Variants in NUS1 observed in about 807,000 individuals in gnomAD.
NUS1 encodes NUS1 dehydrodolichyl diphosphate synthase subunit.
For synonymous variants in NUS1, 135 were observed against 155.2 expected, an observed-to-expected ratio of 0.87 and a Z score of 0.97; for missense variants, 292 against 382.9, an observed-to-expected ratio of 0.76 and a Z score of 1.98.
chr6:117,677,059 A>G (rs978916391), intron 1 of NUS1, among the ~76,000 whole-genome samples: 4 of 152,178 alleles, frequency 2.6e-5, no homozygotes, highest in Non-Finnish European at 4.4e-5. Context: ...TTGTCCTCTC[A>G]TATGTTTTGA....
chr6:117,686,740 T>C (rs1773144989), intron 1 of NUS1, among the ~76,000 whole-genome samples: 1 of 152,172 alleles, frequency 6.6e-6, no homozygotes, highest in Non-Finnish European at 1.5e-5. Flanking sequence ...GGATGAATTA[T>C]AATATGAGAA....
At chr6:117,693,516 A>C (rs1773272121) in intron 2 of NUS1, among the ~76,000 whole-genome samples, 1 of 152,204 alleles carries the variant, frequency 6.6e-6, no homozygotes, top group Admixed American at 6.5e-5. Context: ...AAGAATTTGC[A>C]TGTCTATAGA....
intron 1 of NUS1, among the ~76,000 whole-genome samples, chr6:117,689,430 C>G (rs536944163): frequency 6.6e-6 from 1 of 152,040 alleles, no homozygotes. Context: ...TAGTATTACC[C>G]GACACTATTA....
At chr6:117,684,110 T>C (rs1773102294) in intron 1 of NUS1, among the ~76,000 whole-genome samples, 1 of 152,188 alleles carries the variant, frequency 6.6e-6, no homozygotes, top group Non-Finnish European at 1.5e-5. Context: ...CCTTTGTCTT[T>C]CTGTTACTCA....
At chr6:117,688,011 G>GT (rs1194234579) in intron 1 of NUS1, among the ~76,000 whole-genome samples, 8 of 152,110 alleles carry the variant, frequency 5.3e-5, no homozygotes, top group African/African-American at 1.9e-4. Context: ...AGGGCCAGGA[G>GT]TTAGAGACCA....
intron 3 of NUS1, among the ~76,000 whole-genome samples, chr6:117,697,545 C>G (rs991222953): frequency 6.6e-6 from 1 of 151,894 alleles, no homozygotes; most frequent in Non-Finnish European, 1.5e-5. Flanking sequence ...GACAAAAACT[C>G]TAAGAAGAGA....
At chr6:117,676,301 G>A (rs987666171) in intron 1 of NUS1, among the ~76,000 whole-genome samples, 1 of 152,220 alleles carries the variant, frequency 6.6e-6, no homozygotes, top group Non-Finnish European at 1.5e-5. Context: ...TCCCTTGGCC[G>A]GGCGCGGTGG....
At chr6:117,694,222 T>C (rs2114687597) in intron 3 of NUS1, 42 bp downstream of exon 3, 1 of 1,151,386 alleles carries the variant, frequency 8.7e-7, no homozygotes, top group Non-Finnish European at 1.2e-6. Flanking sequence ...TGTATATGTA[T>C]GTGTGTGTGT....
At chr6:117,695,215 A>AG (rs978111625) in intron 3 of NUS1, among the ~76,000 whole-genome samples, 1 of 151,364 alleles carries the variant, frequency 6.6e-6, no homozygotes, top group African/African-American at 2.4e-5. Context: ...AAAAAAAAAA[A>AG]AAAAAAGAAA....
At chr6:117,679,507 AAAC>A (rs570821842) in intron 1 of NUS1, among the ~76,000 whole-genome samples, 64 of 152,362 alleles carry the variant, frequency 4.2e-4, no homozygotes, top group African/African-American at 1.3e-3. Context: ...TAGTGTTTTA[AAAC>A]AACAATTTAT....
At position 117,676,117 on chromosome 6, in the gene NUS1, G is replaced by C. The variant is rs1051991512; in HGVS notation, c.415+32G>C. The C allele has an allele frequency of 1.9e-6, 3 of 1,549,754 alleles. No individual in the cohort carries two copies. The African/African-American group carries it at 4.1e-5, about 21-fold the overall frequency. ...CCCGGTGCGGTGGTGGGGGGTGGCC[G>C]AGGCGTCTTGGACCGCTAGACCGCT... On this transcript the variant is annotated intron_variant, in intron 1 of 4. Transcript: ENST00000368494.
At position 117,693,128 on chromosome 6, in the gene NUS1, T is replaced by C. The variant is rs1475841573; in HGVS notation, c.502T>C (p.Ser168Pro). The change falls in exon 2 of 5, where the codon TCA (serine) becomes CCA (proline). Residue 168 changes from serine (S) to proline (P), a missense_variant. By Grantham distance (74) the Ser-to-Pro change is moderately conservative. Coordinates refer to ENST00000368494, the MANE Select transcript of NUS1 (RefSeq NM_138459.5). ...TCTGGGCCTAGATTGTTCAAAATAC[T>C]CACCAGAATTTGCAAATAGTAATGA... ...ELLGLDCSKYSPEFANSNDKD... is the reference protein window; with the variant it reads ...ELLGLDCSKYPPEFANSNDKD... 1.3e-5 allele frequency: 21 copies of C among 1,612,644 alleles called. No homozygotes were observed. The highest frequency in any genetic ancestry group is 1.8e-5 in the Non-Finnish European group (21 of 1,179,068).
Position 117,675,853 on chromosome 6 carries a change from A to T in NUS1, c.183A>T (p.Ala61=), listed in dbSNP as rs1772967753. The part of the protein sequence containing the change: ...PLGFTLRKPP[A]VGRNRRHHRH... ...GCTTCACGCTCCGCAAGCCCCCGGC[A>T]GTCGGCAGGAACCGCCGTCACCACC... Residue 61 remains alanine (A), a synonymous_variant, in exon 1 of 5, where the codon GCA becomes GCT. Coordinates refer to ENST00000368494, the MANE Select transcript of NUS1 (RefSeq NM_138459.5). 6.5e-7 allele frequency: 1 copy of T among 1,537,374 alleles called. No homozygotes were observed. Among genetic ancestry groups the T allele is most frequent in the African/African-American group, 1.4e-5 (1 of 72,560 alleles).
intron 3 of NUS1, among the ~76,000 whole-genome samples, chr6:117,697,681 AAG>A (rs891517008): frequency 1.7e-4 from 24 of 142,056 alleles, no homozygotes; most frequent in East Asian, 1.3e-3. Context: ...GAGCTAAAGA[AAG>A]AGAGAGAGAG....
At chr6:117,706,166 A>G (rs1773497769) in intron 4 of NUS1, among the ~76,000 whole-genome samples, 2 of 152,222 alleles carry the variant, frequency 1.3e-5, no homozygotes, top group South Asian at 4.1e-4. Context: ...CTTCTAATAC[A>G]TAAAAGGGAA....
intron 3 of NUS1, among the ~76,000 whole-genome samples, chr6:117,699,909 A>G (rs193222826): frequency 7.2e-5 from 11 of 152,280 alleles, no homozygotes; most frequent in Non-Finnish European, 2.9e-5. Context: ...CAATGGGAAA[A>G]ACCAGTATCT....
Position 117,675,538 on chromosome 6 carries a change from T to C in NUS1, c.-133T>C, listed in dbSNP as rs1198713571. ...CGGGGGCGAGGTGAGGTGTTGGCAGTGGAAAGGGGTTCGGGCTCGGGGGGC... is the reference window on the plus strand; with the variant it reads ...CGGGGGCGAGGTGAGGTGTTGGCAGCGGAAAGGGGTTCGGGCTCGGGGGGC... On this transcript the variant is annotated 5_prime_UTR_variant, in exon 1 of 5. Transcript: ENST00000368494. 1.4e-5 allele frequency: 12 copies of C among 831,272 alleles called. No individual in the cohort carries two copies. The highest frequency in any genetic ancestry group is 1.4e-4 in the Admixed American group (5 of 35,108). 51.5% of individuals were successfully genotyped at this position (831,272 alleles called of 1,614,324 possible).
At chr6:117,687,298 G>A (rs1773154597) in intron 1 of NUS1, among the ~76,000 whole-genome samples, 1 of 152,118 alleles carries the variant, frequency 6.6e-6, no homozygotes. Flanking sequence ...GCAGCACTTT[G>A]TACATTGGTA....
Position 117,703,657 on chromosome 6 carries a change from C to T in NUS1, c.744C>T (p.Asp248=). 6.2e-7 allele frequency: 1 copy of T among 1,613,802 alleles called. No homozygotes were observed. Among genetic ancestry groups the T allele is most frequent in the East Asian group, 2.2e-5 (1 of 44,862 alleles). ...TAGTATTGAAGTTCGGTCCTGTGGACAGCACATTAGGCTTTCTTCCCTGGC... is the reference window on the plus strand; with the variant it reads ...TAGTATTGAAGTTCGGTCCTGTGGATAGCACATTAGGCTTTCTTCCCTGGC... The part of the protein sequence containing the change: ...PDLVLKFGPV[D]STLGFLPWHI... The change falls in exon 4 of 5, where the codon GAC becomes GAT. Residue 248 remains aspartate, a synonymous_variant. Coordinates refer to ENST00000368494, the MANE Select transcript of NUS1 (RefSeq NM_138459.5).
Sources: allele counts gnomAD v4.1 joint callset (sites outside exome capture counted in the v4.1 genomes callset), GRCh38; gene constraint gnomAD v4.1.1; transcripts MANE v1.5; gene names NCBI Gene and HGNC (gene_info 2026-07-23, HGNC 2026-07-21).